NALCN: variants seen among roughly 807,000 people sequenced by gnomAD.
NALCN encodes sodium leak channel NALCN.
Under a neutral mutation model 225.3 loss-of-function variants are expected in NALCN, and 111 were observed. That is an observed-to-expected ratio of 0.49 (90% confidence interval 0.42 to 0.58). The LOEUF is 0.58. Among genes scored for constraint, NALCN ranks in the 20% least tolerant of loss-of-function variants. NALCN has a pLI of 0.00. For missense variants in NALCN, 1,378 were observed against 2,202.4 expected (o/e 0.63, Z 7.49); for synonymous variants, 764 against 769.0 (o/e 0.99, Z 0.11).
intron 10 of NALCN, among the ~76,000 whole-genome samples, chr13:101,268,697 T>A (rs2042677598): frequency 6.6e-6 from 1 of 152,194 alleles, no homozygotes; most frequent in East Asian, 1.9e-4. Context: ...GATACAAATA[T>A]ATCAGTTAAA....
At chr13:101,373,281 C>T (rs981321198) in intron 6 of NALCN, among the ~76,000 whole-genome samples, 1 of 152,074 alleles carries the variant, frequency 6.6e-6, no homozygotes, top group Non-Finnish European at 1.5e-5. Flanking sequence ...TATATTAACC[C>T]TTGGAAACAT....
chr13:101,298,645 G>C (rs745523308), intron 7 of NALCN, among the ~76,000 whole-genome samples: 13 of 152,192 alleles, frequency 8.5e-5, no homozygotes, highest in Non-Finnish European at 1.6e-4. Flanking sequence ...TGAAAAAAGA[G>C]AGCGATGAAT....
intron 26 of NALCN, among the ~76,000 whole-genome samples, chr13:101,102,650 C>T (rs1423881341): frequency 6.6e-6 from 1 of 152,190 alleles, no homozygotes; most frequent in East Asian, 1.9e-4. Context: ...TTTGTAATCA[C>T]TCATTACTGT....
intron 3 of NALCN, among the ~76,000 whole-genome samples, chr13:101,380,720 T>C (rs1461260079): frequency 6.6e-6 from 1 of 152,078 alleles, no homozygotes; most frequent in Non-Finnish European, 1.5e-5. Flanking sequence ...CTGGAAATAG[T>C]TTATGGTGTA....
intron 11 of NALCN, among the ~76,000 whole-genome samples, chr13:101,246,591 T>C (rs80054725): frequency 0.013 from 2,023 of 152,324 alleles, 32 homozygotes; most frequent in African/African-American, 0.038. Context: ...TTGTCATTAT[T>C]GTATTATATT....
At chr13:101,402,009 T>C (rs1407095725) in intron 1 of NALCN, among the ~76,000 whole-genome samples, 1 of 152,220 alleles carries the variant, frequency 6.6e-6, no homozygotes, top group Non-Finnish European at 1.5e-5. Flanking sequence ...TCATTCATGT[T>C]GAATCAATAA....
intron 10 of NALCN, among the ~76,000 whole-genome samples, chr13:101,259,979 T>A (rs1374168315): frequency 8.1e-6 from 1 of 123,652 alleles, no homozygotes; most frequent in Non-Finnish European, 1.8e-5. Flanking sequence ...CTATTCTTTC[T>A]ATTTTTTTTG....
chr13:101,257,850 T>G (rs1267165945), intron 11 of NALCN, among the ~76,000 whole-genome samples: 2 of 152,166 alleles, frequency 1.3e-5, no homozygotes, highest in Non-Finnish European at 2.9e-5. Context: ...TTAAAATATT[T>G]TAAGAATCAG....
At position 101,143,137 on chromosome 13, in the gene NALCN, G is replaced by A; in HGVS notation, c.2061C>T (p.Ser687=). Residue 687 remains serine (S), a synonymous_variant, in exon 17 of 44, where the codon TCC becomes TCT. Transcript: ENST00000251127. ...CTGAGCGTTTGGAGTGGTCGCAGGAGGAGGAAGAGGTGGTCGGGAGGCTTC... is the reference window on the plus strand; with the variant it reads ...CTGAGCGTTTGGAGTGGTCGCAGGAAGAGGAAGAGGTGGTCGGGAGGCTTC... ...LLRSLPTTSS[S]SCDHSKRSAI... 1.2e-6 allele frequency: 2 copies of A among 1,614,196 alleles called. No individual in the cohort carries two copies. The highest frequency in any genetic ancestry group is 2.7e-5 in the African/African-American group (2 of 75,056).
intron 20 of NALCN, among the ~76,000 whole-genome samples, chr13:101,109,765 T>C (rs563094741): frequency 6.6e-6 from 1 of 152,236 alleles, no homozygotes; most frequent in African/African-American, 2.4e-5. Flanking sequence ...CTTCTCTGCA[T>C]TTTTTTCATG....
chr13:101,075,203 A>G (rs911463483), intron 35 of NALCN, among the ~76,000 whole-genome samples: 5 of 152,222 alleles, frequency 3.3e-5, no homozygotes, highest in Admixed American at 1.3e-4. Context: ...AATGAAAAAT[A>G]TATGTGGAAT....
intron 7 of NALCN, among the ~76,000 whole-genome samples, chr13:101,311,783 T>C (rs2044355474): frequency 6.6e-6 from 1 of 152,074 alleles, no homozygotes; most frequent in Non-Finnish European, 1.5e-5. Flanking sequence ...TGAGGATTTT[T>C]GCATCAATGT....
chr13:101,239,108 G>A (rs9513875), intron 11 of NALCN, among the ~76,000 whole-genome samples: 93,867 of 151,662 alleles, frequency 0.62, 29,704 homozygotes, highest in East Asian at 0.95. Flanking sequence ...CGTTTCTCAG[G>A]TATTTCATGT....
chr13:101,371,608 G>T (rs2046541706), intron 6 of NALCN, among the ~76,000 whole-genome samples: 1 of 152,190 alleles, frequency 6.6e-6, no homozygotes, highest in Non-Finnish European at 1.5e-5. Flanking sequence ...GCTTATAGGA[G>T]TTAGTTGCTT....
intron 1 of NALCN, among the ~76,000 whole-genome samples, chr13:101,401,059 G>C (rs569104327): frequency 1.3e-5 from 2 of 152,242 alleles, no homozygotes; most frequent in East Asian, 3.9e-4. Flanking sequence ...AGCCAGCGTC[G>C]TCAGGTATTT....
chr13:101,067,804 A>T, intron 39 of NALCN, 114 bp downstream of exon 39: 2 of 745,650 alleles, frequency 2.7e-6, no homozygotes, highest in South Asian at 3.1e-5. Flanking sequence ...TCTGCAATTC[A>T]CCATTTAAAA....
chr13:101,240,158 T>TCA (rs1331785643), intron 11 of NALCN, among the ~76,000 whole-genome samples: 1 of 152,086 alleles, frequency 6.6e-6, no homozygotes, highest in Non-Finnish European at 1.5e-5. Context: ...ATTTACATGT[T>TCA]CACATATGTC....
chr13:101,116,710 A>G, intron 18 of NALCN: 9 of 372,456 alleles, frequency 2.4e-5, no homozygotes, highest in South Asian at 1.7e-4. Context: ...GAACTGCAGT[A>G]TAACTTTGCA....
intron 11 of NALCN, among the ~76,000 whole-genome samples, chr13:101,253,641 T>C (rs189890731): frequency 6.7e-6 from 1 of 149,964 alleles, no homozygotes; most frequent in Admixed American, 6.6e-5. Flanking sequence ...AAAATGTTAT[T>C]ATTTATTTGT....
Sources: gnomAD v4.1 joint callset for allele counts (sites outside exome capture counted in the v4.1 genomes callset) on GRCh38, gnomAD v4.1.1 for gene constraint, MANE v1.5 for transcripts, NCBI Gene and HGNC (gene_info 2026-07-23, HGNC 2026-07-21) for gene names.